The following ZNF831 variants were observed in gnomAD, a reference collection of about 807,000 sequenced individuals.
The protein encoded by ZNF831 is chromosome 20 open reading frame 174.
ZNF831 carries 59 observed loss-of-function variants against 95.8 expected under a neutral mutation model. That is an observed-to-expected ratio of 0.62 (90% CI 0.50 to 0.77). ZNF831 has a LOEUF of 0.77. Among genes scored for constraint, ZNF831 ranks in the 30% least tolerant of loss-of-function variants. The pLI is 0.00. For missense variants in ZNF831, 2,205 were observed against 2,164.0 expected, an observed-to-expected ratio of 1.02 and a Z score of -0.38; for synonymous variants, 961 against 925.5, an observed-to-expected ratio of 1.04 and a Z score of -0.70.
rs1166065510 is a variant in ZNF831 at position 59,252,995 on chromosome 20, G to A, written c.4045G>A (p.Glu1349Lys). The A allele has an allele frequency of 5.0e-6, 8 of 1,613,828 alleles. No individual in the cohort carries two copies. Among genetic ancestry groups the A allele is most frequent in the Non-Finnish European group, 5.9e-6 (7 of 1,179,864 alleles). Residue 1349 changes from glutamate to lysine, a missense_variant, in exon 5 of 6, where the codon GAG becomes AAG. Physicochemically the swap from Glu to Lys is moderately conservative, Grantham distance 56. Transcript: ENST00000371030. ...SEIAGLNLQE[E>K]PSCATSESPP... is the part of the protein sequence containing the mutation. ...CCTTGCAGGTCTGAATCTGCAAGAGGAGCCATCTTGTGCCACCTCAGAATC... is the reference window on the plus strand; with the variant it reads ...CCTTGCAGGTCTGAATCTGCAAGAGAAGCCATCTTGTGCCACCTCAGAATC...
chr20:59,216,016 C>CT (rs966175262), intron 4 of ZNF831, among the ~76,000 whole-genome samples: 3 of 152,190 alleles, frequency 2.0e-5, no homozygotes, highest in Non-Finnish European at 4.4e-5. Context: ...TCGAGACTTT[C>CT]TTCTCTCCTT....
At chr20:59,160,391 T>A (rs914632312), upstream of ZNF831, 11 of 152,238 alleles carry the variant, frequency 7.2e-5, no homozygotes, top group African/African-American at 2.7e-4. Context: ...CCCAGGGGGC[T>A]TGTCTCATGG....
intron 2 of ZNF831, among the ~76,000 whole-genome samples, chr20:59,156,013 C>A (rs1443163140): frequency 2.6e-5 from 4 of 152,148 alleles, no homozygotes; most frequent in African/African-American, 7.2e-5. Context: ...TGTGCTCCCC[C>A]TCATGCTCAA....
In ZNF831 at chr20:59,193,559, C is replaced by G. The variant is rs1262782932; in HGVS notation, c.2540C>G (p.Pro847Arg). The stretch of plus-strand genomic sequence containing the variant: ...GTGAGCGCAGAGACCCCAGGTGGGC[C>G]CACGCAGCCTGCCTCTTTGTCATCC... Reference protein sequence around the residue: ...EPVSAETPGGPTQPASLSSQK... With the variant: ...EPVSAETPGGRTQPASLSSQK... Residue 847 changes from proline to arginine, a missense_variant, in exon 2 of 6, where the codon CCC becomes CGC. Pro to Arg is a moderately radical substitution (Grantham distance 103, BLOSUM62 -2). Coordinates refer to ENST00000371030, the MANE Select transcript of ZNF831 (RefSeq NM_178457.3). 1 of 1,605,206 alleles carries G rather than the reference C, an allele frequency of 6.2e-7. No homozygotes were observed. The highest frequency in any genetic ancestry group is 1.1e-5 in the South Asian group (1 of 89,544).
chr20:59,157,229 C>G (rs1257989686), intron 2 of ZNF831, among the ~76,000 whole-genome samples: 1 of 152,232 alleles, frequency 6.6e-6, no homozygotes, highest in African/African-American at 2.4e-5. Context: ...CCCCTACCCT[C>G]TTATCTCTGT....
At chr20:59,209,203 G>T (rs939318051) in intron 4 of ZNF831, among the ~76,000 whole-genome samples, 1 of 152,200 alleles carries the variant, frequency 6.6e-6, no homozygotes, top group Non-Finnish European at 1.5e-5. Context: ...GTGCAGCAAT[G>T]CCTTGCAGAC....
Position 59,192,209 on chromosome 20 carries a change from T to C in ZNF831, c.1190T>C (p.Leu397Pro), listed in dbSNP as rs980488213. Reference protein sequence around the residue: ...GAEPGAREAGLELEKKRLEER... With the variant: ...GAEPGAREAGPELEKKRLEER... ...GAGCCCGGGGCGCGAGAAGCCGGCC[T>C]GGAGCTGGAGAAGAAGCGGCTGGAG... The change falls in exon 2 of 6, where the codon CTG becomes CCG. Residue 397 changes from leucine (L) to proline (P), a missense_variant. Coordinates refer to ENST00000371030, the MANE Select transcript of ZNF831 (RefSeq NM_178457.3). This position sits in a 1 kb window ranked among gnomAD's most constrained non-coding sequence, Gnocchi z 5.2. 4.4e-6 allele frequency: 7 copies of C among 1,584,954 alleles called. No homozygotes were observed. The highest frequency in any genetic ancestry group is 4.0e-5 in the African/African-American group (3 of 74,146).
chr20:59,206,420 G>A (rs916900534), intron 3 of ZNF831, among the ~76,000 whole-genome samples: 9 of 152,330 alleles, frequency 5.9e-5, no homozygotes, highest in African/African-American at 1.9e-4. Flanking sequence ...GCCACACGTG[G>A]CTATTTAAAT....
intron 2 of ZNF831, among the ~76,000 whole-genome samples, chr20:59,152,418 A>G (rs1980298254): frequency 6.6e-6 from 1 of 151,946 alleles, no homozygotes; most frequent in African/African-American, 2.4e-5. Flanking sequence ...AAGAGAAGGA[A>G]GGGAATTCCT....
chr20:59,234,864 A>T (rs1325965859), intron 4 of ZNF831, among the ~76,000 whole-genome samples: 1 of 152,204 alleles, frequency 6.6e-6, no homozygotes, highest in East Asian at 1.9e-4. Context: ...TTCCCCTATT[A>T]TTAACATCTT....
intron 3 of ZNF831, among the ~76,000 whole-genome samples, chr20:59,198,065 C>A (rs545981408): frequency 1.3e-5 from 2 of 152,116 alleles, no homozygotes; most frequent in Non-Finnish European, 2.9e-5. Context: ...TTGACTAATT[C>A]GAAAATATTT....
chr20:59,195,587 G>C (rs1442706980), intron 2 of ZNF831, among the ~76,000 whole-genome samples: 1 of 152,178 alleles, frequency 6.6e-6, no homozygotes, highest in Admixed American at 6.5e-5. Context: ...TTAGGGGATA[G>C]TAAAGGGGCT....
At chr20:59,133,423 C>T (rs763107951) in intron 1 of ZNF831, among the ~76,000 whole-genome samples, 20 of 152,198 alleles carry the variant, frequency 1.3e-4, no homozygotes, top group African/African-American at 2.4e-4. Context: ...ACACCTCCCC[C>T]GTCAAGTTCT....
At chr20:59,232,750 T>C (rs1048828874) in intron 4 of ZNF831, among the ~76,000 whole-genome samples, 3 of 152,160 alleles carry the variant, frequency 2.0e-5, no homozygotes, top group African/African-American at 7.2e-5. Flanking sequence ...TCATGGCAGA[T>C]GACTCTTGGA....
At chr20:59,146,433 T>C (rs949494362) in intron 2 of ZNF831, 8 of 152,292 alleles carry the variant, frequency 5.3e-5, no homozygotes, top group Admixed American at 3.3e-4. Context: ...CAAGGCCAGA[T>C]GAAGGGATCT....
chr20:59,210,081 G>T (rs1478517501), intron 4 of ZNF831, among the ~76,000 whole-genome samples: 1 of 152,186 alleles, frequency 6.6e-6, no homozygotes, highest in Admixed American at 6.5e-5. Flanking sequence ...TGAACCAACA[G>T]AAGTGGCCTT....
At chr20:59,131,861 T>C in intron 1 of ZNF831, among the ~76,000 whole-genome samples, 1 of 152,270 alleles carries the variant, frequency 6.6e-6, no homozygotes, top group East Asian at 1.9e-4. Flanking sequence ...GCATTCTTTG[T>C]GCCTCATTAA....
chr20:59,124,765 T>C (rs1979115573), intron 1 of ZNF831, among the ~76,000 whole-genome samples: 1 of 152,164 alleles, frequency 6.6e-6, no homozygotes, highest in Non-Finnish European at 1.5e-5. Flanking sequence ...AGAGGCTCAG[T>C]GTGGAATAAA....
In ZNF831 at chr20:59,191,814, T is replaced by C. The variant is rs778914555; in HGVS notation, c.795T>C (p.Ala265=). 1.2e-6 allele frequency: 2 copies of C among 1,613,396 alleles called. No individual in the cohort carries two copies. The highest frequency in any genetic ancestry group is 1.7e-5 in the Admixed American group (1 of 60,024). The stretch of plus-strand genomic sequence containing the variant: ...AGAACCTGGATGTGAGGACCGAAGC[T>C]GCTCCCTGTCCAGGGTCCGCATTTG... ...LAKNLDVRTE[A]APCPGSAFAD... Residue 265 remains alanine (A), a synonymous_variant, in exon 2 of 6, where the codon GCT becomes GCC. Transcript: ENST00000371030.
Sources: gnomAD v4.1 joint callset for allele counts (sites outside exome capture counted in the v4.1 genomes callset) on GRCh38, gnomAD v4.1.1 for gene constraint, Gnocchi (gnomAD v3.1) non-coding constraint, MANE v1.5 for transcripts, NCBI Gene and HGNC (gene_info 2026-07-23, HGNC 2026-07-21) for gene names.